TRIM9: variants seen among roughly 807,000 people sequenced by gnomAD.
The protein encoded by TRIM9 is tripartite motif containing 9.
In TRIM9, 26 loss-of-function variants were observed where a neutral mutation model predicts 78.3. The ratio of observed to expected loss-of-function variants is 0.33; its 90% CI spans 0.24 to 0.46. The LOEUF is 0.46. Among genes scored for constraint, TRIM9 ranks in the 20% least tolerant of loss-of-function variants. The probability of loss-of-function intolerance (pLI) is 1.00; values close to 1 mark genes in which losing one functional copy is unlikely to be tolerated. For synonymous variants in TRIM9, 398 were observed against 416.5 expected (o/e 0.96, Z 0.54); for missense variants, 787 against 1,036.4 (o/e 0.76, Z 3.30).
chr14:51,056,481 CCAGAGCTCATAATCTCAAAT>C (rs150078456), intron 1 of TRIM9, among the ~76,000 whole-genome samples: 4,458 of 152,138 alleles, frequency 0.029, 63 homozygotes, highest in East Asian at 0.047. Context: ...ACTCTAGATC[CCAGAGCTCATAATCTCAAAT>C]ATAAAACCTG....
At chr14:50,989,725 T>C (rs1289597697) in intron 7 of TRIM9, among the ~76,000 whole-genome samples, 4 of 152,176 alleles carry the variant, frequency 2.6e-5, no homozygotes, top group Non-Finnish European at 4.4e-5. Flanking sequence ...ACTCTAGGCA[T>C]AACTATAACT....
intron 1 of TRIM9, among the ~76,000 whole-genome samples, chr14:51,034,848 T>A (rs1416962198): frequency 6.6e-6 from 1 of 152,226 alleles, no homozygotes; most frequent in Non-Finnish European, 1.5e-5. Flanking sequence ...TTAACTTTCC[T>A]TTCCTTAAGT....
At chr14:50,983,328 A>G in intron 9 of TRIM9, 52 bp downstream of exon 9, 1 of 1,414,540 alleles carries the variant, frequency 7.1e-7, no homozygotes, top group Non-Finnish European at 9.6e-7. Flanking sequence ...TGTGAAGGAA[A>G]TTGAGCACAC....
At chr14:50,990,190 A>AT (rs2053312536) in intron 7 of TRIM9, among the ~76,000 whole-genome samples, 1 of 151,666 alleles carries the variant, frequency 6.6e-6, no homozygotes, top group Non-Finnish European at 1.5e-5. Context: ...GCCAATTTTA[A>AT]TTTTTTCTGT....
intron 6 of TRIM9, among the ~76,000 whole-genome samples, chr14:51,000,237 A>T (rs2054786210): frequency 6.6e-6 from 1 of 152,246 alleles, no homozygotes; most frequent in South Asian, 2.1e-4. Flanking sequence ...GGTAATAATA[A>T]TAACTAATAA....
chr14:51,010,633 G>A, intron 3 of TRIM9, 139 bp from the exon 4 acceptor site: 1 of 638,982 alleles, frequency 1.6e-6, no homozygotes. Context: ...AATATTTTCT[G>A]GCAGTGTCTG....
At chr14:51,084,172 A>C (rs1362280876) in intron 1 of TRIM9, among the ~76,000 whole-genome samples, 1 of 128,862 alleles carries the variant, frequency 7.8e-6, no homozygotes, top group Non-Finnish European at 1.8e-5. Flanking sequence ...ACTTTTCCAC[A>C]CTTTTTTTTT....
At position 51,000,734 on chromosome 14, in the gene TRIM9, G is replaced by A. The variant is rs542776479; in HGVS notation, c.1413C>T (p.Pro471=). The A allele has an allele frequency of 5.0e-6, 8 of 1,614,156 alleles. No individual in the cohort carries two copies. Among genetic ancestry groups the A allele is most frequent in the East Asian group, 4.5e-5 (2 of 44,884 alleles). Residue 471 remains proline (P), a synonymous_variant, in exon 6 of 13, where the codon CCC becomes CCT. Coordinates refer to ENST00000684578, the MANE Select transcript of TRIM9 (RefSeq NM_001387360.1). ...CCAGCTCCAGAATGTATCCATCGGC[G>A]GGCACCGTGGACAGAGGTGGCTGTT... is the stretch of plus-strand genomic sequence containing the variant. The part of the protein sequence containing the change: ...SWKQPPLSTV[P]ADGYILELDD...
chr14:51,070,913 T>C (rs2062167734), intron 1 of TRIM9, among the ~76,000 whole-genome samples: 1 of 152,176 alleles, frequency 6.6e-6, no homozygotes, highest in Non-Finnish European at 1.5e-5. Flanking sequence ...CTTTCTTTTT[T>C]TGGTGGAGAT....
At chr14:51,071,204 C>A (rs2062204645) in intron 1 of TRIM9, among the ~76,000 whole-genome samples, 1 of 151,598 alleles carries the variant, frequency 6.6e-6, no homozygotes, top group Non-Finnish European at 1.5e-5. Context: ...TGGCAAAACC[C>A]TATCTCTACT....
At chr14:51,028,538 T>C (rs2058453856) in intron 1 of TRIM9, among the ~76,000 whole-genome samples, 1 of 152,244 alleles carries the variant, frequency 6.6e-6, no homozygotes, top group Non-Finnish European at 1.5e-5. Flanking sequence ...CACAGAGCAG[T>C]GCTGGAAATT....
chr14:51,074,372 T>C (rs942317793), intron 1 of TRIM9, among the ~76,000 whole-genome samples: 1 of 152,172 alleles, frequency 6.6e-6, no homozygotes, highest in Non-Finnish European at 1.5e-5. Context: ...GAATTTGGCA[T>C]GTAAAATGAA....
chr14:51,074,234 C>T (rs1303645014), intron 1 of TRIM9, among the ~76,000 whole-genome samples: 1 of 151,628 alleles, frequency 6.6e-6, no homozygotes, highest in Non-Finnish European at 1.5e-5. Context: ...GCCTGGGCAA[C>T]ATAGCAAGAC....
chr14:51,014,150 C>A (rs573700062), intron 3 of TRIM9, among the ~76,000 whole-genome samples: 4 of 152,312 alleles, frequency 2.6e-5, no homozygotes, highest in Admixed American at 2.0e-4. Context: ...TTCAATGATG[C>A]ATTCATGTAC....
rs919633850 is a variant in TRIM9 at position 50,983,418 on chromosome 14, C to T, written c.1796G>A (p.Cys599Tyr). The change falls in exon 9 of 13, where the codon TGC becomes TAC. Residue 599 changes from cysteine to tyrosine, a missense_variant. This residue lies in a region of TRIM9 where 421 missense variants were observed against 514.3 expected (regional missense o/e 0.82). Transcript: ENST00000684578. Reference protein sequence around the residue: ...SSLQSLNAPGCNFETQSAPYS... With the variant: ...SSLQSLNAPGYNFETQSAPYS... ...AGGTGCAGATTGTGTCTCAAAATTG[C>T]ATCCTATAAAGAGATACTACACATC... 3 of 1,542,874 alleles carry T rather than the reference C, an allele frequency of 1.9e-6. No homozygotes were observed. Among genetic ancestry groups the T allele is most frequent in the African/African-American group, 2.7e-5 (2 of 72,932 alleles).
chr14:51,047,343 G>C lies in TRIM9; in HGVS notation c.823-21983C>G, dbSNP rs1232662956. 2.0e-5 allele frequency among the ~76,000 whole-genome samples: 3 copies of C among 152,044 alleles called. No homozygotes were observed. The East Asian group carries it at 5.8e-4, about 29-fold the overall frequency. ...TCAGTCATCACTCTGACAGCATCTG[G>C]GCCACGGCATTCATTTCATCATGGC... On this transcript the variant is annotated intron_variant, in intron 1 of 12. Coordinates refer to ENST00000684578, the MANE Select transcript of TRIM9 (RefSeq NM_001387360.1).
chr14:51,093,810 CGCGGCCACTGGCT>C (rs1225015558), intron 1 of TRIM9, among the ~76,000 whole-genome samples: 1 of 152,234 alleles, frequency 6.6e-6, no homozygotes, highest in East Asian at 1.9e-4. Flanking sequence ...ACACACTGGC[CGCGGCCACTGGCT>C]GCAGACCCGC....
chr14:51,059,762 C>T (rs1197283709), intron 1 of TRIM9, among the ~76,000 whole-genome samples: 2 of 147,434 alleles, frequency 1.4e-5, no homozygotes, highest in Non-Finnish European at 3.0e-5. Context: ...CGTGCCACTG[C>T]ACTCCAGCCT....
At chr14:50,986,275 G>T in intron 7 of TRIM9, 131 bp from the exon 8 acceptor site, 2 of 815,938 alleles carry the variant, frequency 2.5e-6, no homozygotes, top group Non-Finnish European at 3.4e-6. Context: ...CCACACTCAG[G>T]CATTTACAAA....
Sources: allele counts gnomAD v4.1 joint callset (sites outside exome capture counted in the v4.1 genomes callset), GRCh38; gene constraint gnomAD v4.1.1; regional missense constraint gnomAD v4.1.1; transcripts MANE v1.5; gene names NCBI Gene and HGNC (gene_info 2026-07-23, HGNC 2026-07-21).